The following RNGTT variants were observed in gnomAD, a reference collection of about 807,000 sequenced individuals.
RNGTT encodes mRNA-capping enzyme.
RNGTT carries 33 observed loss-of-function variants against 79.3 expected under a neutral mutation model. The observed-to-expected ratio is 0.42, with a 90% CI of 0.32 to 0.56. The LOEUF is 0.56. RNGTT is among the 20% of genes least tolerant of loss of function. The pLI is 0.17. For missense variants in RNGTT, 497 were observed against 739.1 expected (o/e 0.67, Z 3.80); for synonymous variants, 222 against 235.9 (o/e 0.94, Z 0.54).
chr6:88,893,905 G>A (rs936695945), intron 6 of RNGTT, among the ~76,000 whole-genome samples: 10 of 152,048 alleles, frequency 6.6e-5, no homozygotes, highest in African/African-American at 2.2e-4. Context: ...CAATAGTTCT[G>A]ACAAAATACC....
intron 13 of RNGTT, among the ~76,000 whole-genome samples, chr6:88,690,908 T>C (rs1775454760): frequency 6.6e-6 from 1 of 152,112 alleles, no homozygotes; most frequent in Non-Finnish European, 1.5e-5. Context: ...CTATTACTGG[T>C]AAGCACCTCA....
intron 13 of RNGTT, among the ~76,000 whole-genome samples, chr6:88,691,232 C>A (rs146384064): frequency 1.3e-5 from 2 of 152,108 alleles, no homozygotes; most frequent in Admixed American, 1.3e-4. Context: ...TCCCCCTTTG[C>A]GCTCTCTTCC....
chr6:88,849,747 G>C lies in RNGTT; in HGVS notation c.1104+8C>G, dbSNP rs370620061. On this transcript the variant is annotated splice_region_variant and intron_variant, in intron 10 of 15. Coordinates refer to ENST00000369485, the MANE Select transcript of RNGTT (RefSeq NM_003800.5). Reference sequence around the variant, plus strand: ...ATAACTTGTATTTTATAAATTATAGGTACTTACATTGAATTTAATTATGTC... The same window carrying C: ...ATAACTTGTATTTTATAAATTATAGCTACTTACATTGAATTTAATTATGTC... 1.3e-6 allele frequency: 2 copies of C among 1,513,336 alleles called. No homozygotes were observed. Among genetic ancestry groups the C allele is most frequent in the African/African-American group, 2.9e-5 (2 of 69,928 alleles). The allele number at this position is 1,513,336 out of a possible 1,614,324, so 93.7% of individuals were successfully genotyped here.
chr6:88,715,175 A>G lies in RNGTT; in HGVS notation c.1440-36756T>C, dbSNP rs140977746. Among the ~76,000 whole-genome samples, 1,259 of 152,278 alleles carry G rather than the reference A, an allele frequency of 8.3e-3. 19 individuals are homozygous for G. The highest frequency in any genetic ancestry group is 0.029 in the African/African-American group (1,186 of 41,528). On this transcript the variant is annotated intron_variant, in intron 13 of 15. Coordinates refer to ENST00000369485, the MANE Select transcript of RNGTT (RefSeq NM_003800.5). ...AAGCATTCTTATACACCAATAATAG[A>G]CAAACAGAGAGCCAAATCATGAGTG... is the stretch of plus-strand genomic sequence containing the variant.
chr6:88,671,097 T>C (rs1018249523), intron 14 of RNGTT, among the ~76,000 whole-genome samples: 4 of 152,198 alleles, frequency 2.6e-5, no homozygotes, highest in Non-Finnish European at 5.9e-5. Flanking sequence ...ATGGAAGTCC[T>C]AGCCAGGGCA....
chr6:88,904,575 T>TA, intron 6 of RNGTT, 140 bp downstream of exon 6: 1 of 774,932 alleles, frequency 1.3e-6, no homozygotes, highest in Non-Finnish European at 1.8e-6. Context: ...AAAAAAAAAA[T>TA]TTTTTTTTTA....
chr6:88,868,190 G>A (rs1405072592), intron 8 of RNGTT, among the ~76,000 whole-genome samples: 2 of 151,884 alleles, frequency 1.3e-5, no homozygotes, highest in East Asian at 3.9e-4. Context: ...AAAGGCTATG[G>A]GGCTAACCAA....
chr6:88,712,425 C>T (rs1284565725), intron 13 of RNGTT, among the ~76,000 whole-genome samples: 1 of 152,174 alleles, frequency 6.6e-6, no homozygotes. Context: ...CCCACCTCAG[C>T]CTTCCAAGTA....
chr6:88,725,505 AG>A (rs1776863284), intron 13 of RNGTT, among the ~76,000 whole-genome samples: 1 of 152,232 alleles, frequency 6.6e-6, no homozygotes, highest in Non-Finnish European at 1.5e-5. Flanking sequence ...AGAAAGCCAC[AG>A]GGGGTGGTGA....
At chr6:88,818,475 C>T (rs940058565) in intron 11 of RNGTT, among the ~76,000 whole-genome samples, 3 of 152,056 alleles carry the variant, frequency 2.0e-5, no homozygotes, top group Non-Finnish European at 4.4e-5. Context: ...CCCAGCTACT[C>T]AGGAGAGAAG....
chr6:88,743,632 T>C (rs1292048070), intron 13 of RNGTT, among the ~76,000 whole-genome samples: 4 of 152,212 alleles, frequency 2.6e-5, no homozygotes, highest in Non-Finnish European at 5.9e-5. Context: ...TCATTCACAA[T>C]GTAGCATATG....
intron 13 of RNGTT, among the ~76,000 whole-genome samples, chr6:88,690,962 T>C (rs1353605482): frequency 1.3e-5 from 2 of 152,080 alleles, no homozygotes; most frequent in African/African-American, 4.8e-5. Flanking sequence ...TATACACCAA[T>C]GAAAAGGAAT....
chr6:88,852,342 C>T (rs1423754600), intron 9 of RNGTT, among the ~76,000 whole-genome samples: 1 of 152,040 alleles, frequency 6.6e-6, no homozygotes, highest in African/African-American at 2.4e-5. Context: ...AATGCTATTA[C>T]TTAAGTCTTT....
intron 4 of RNGTT, 92 bp from the exon 5 acceptor site, chr6:88,906,532 G>A: frequency 1.5e-6 from 1 of 665,012 alleles, no homozygotes; most frequent in African/African-American, 1.8e-5. Flanking sequence ...AAACATTTCA[G>A]CTAGTTTATA....
Position 88,643,099 on chromosome 6 carries a change from A to G in RNGTT, c.1507-28704T>C, listed in dbSNP as rs564736459. On this transcript the variant is annotated intron_variant, in intron 14 of 15. Coordinates refer to ENST00000369485, the MANE Select transcript of RNGTT (RefSeq NM_003800.5). The stretch of plus-strand genomic sequence containing the variant: ...ATACACCTAACCTACCTAACCTCAC[A>G]GCTTAGCATAGCCTACCTTAAGTGT... Among the ~76,000 whole-genome samples the G allele has an allele frequency of 1.1e-4, 16 of 152,272 alleles. No individual in the cohort carries two copies. In the South Asian group the frequency reaches 2.5e-3, roughly 24 times the overall value.
At chr6:88,717,409 C>T (rs960992248) in intron 13 of RNGTT, among the ~76,000 whole-genome samples, 3 of 152,132 alleles carry the variant, frequency 2.0e-5, no homozygotes, top group African/African-American at 4.8e-5. Flanking sequence ...TCAAGAAATA[C>T]GCACCTATTT....
chr6:88,699,261 T>A (rs1375332337), intron 13 of RNGTT, among the ~76,000 whole-genome samples: 1 of 152,208 alleles, frequency 6.6e-6, no homozygotes, highest in Non-Finnish European at 1.5e-5. Flanking sequence ...ACTTAAATAG[T>A]ATGAAACAAT....
At chr6:88,775,994 A>C (rs1476978275) in intron 12 of RNGTT, among the ~76,000 whole-genome samples, 1 of 152,168 alleles carries the variant, frequency 6.6e-6, no homozygotes, top group East Asian at 1.9e-4. Flanking sequence ...TAATGCTGTA[A>C]TGAACATGGG....
intron 11 of RNGTT, among the ~76,000 whole-genome samples, chr6:88,842,936 A>G (rs185183320): frequency 6.6e-6 from 1 of 151,832 alleles, no homozygotes; most frequent in Non-Finnish European, 1.5e-5. Context: ...TTAGCTGGAC[A>G]TGGTAGTATG....
Sources: allele counts gnomAD v4.1 joint callset (sites outside exome capture counted in the v4.1 genomes callset), GRCh38; gene constraint gnomAD v4.1.1; transcripts MANE v1.5; gene names NCBI Gene and HGNC (gene_info 2026-07-23, HGNC 2026-07-21).